The following ZRANB1 variants were observed in gnomAD, a reference collection of about 807,000 sequenced individuals.
ZRANB1 encodes the protein zinc finger RANBP2-type containing 1.
In ZRANB1, 16 loss-of-function variants were observed where a neutral mutation model predicts 80.5. The ratio of observed to expected loss-of-function variants is 0.20; its 90% CI spans 0.13 to 0.30. The LOEUF (loss-of-function observed/expected upper bound fraction) is 0.30, where lower values mean the gene tolerates loss of function less well. Ranked by LOEUF, ZRANB1 falls within the 10% of genes least tolerant of loss-of-function variation. The pLI, the probability that ZRANB1 is intolerant of heterozygous loss-of-function variation, is 1.00. For missense variants in ZRANB1, 576 were observed against 862.6 expected, an observed-to-expected ratio of 0.67 and a Z score of 4.16; for synonymous variants, 291 against 293.1, an observed-to-expected ratio of 0.99 and a Z score of 0.07.
At chr10:124,919,586 G>GT in the ZRANB1 span, among the ~76,000 whole-genome samples, 209 of 136,336 alleles carry the variant, frequency 1.5e-3, no homozygotes, top group Non-Finnish European at 1.4e-3. Context: ...TTTGGTTCAG[G>GT]TTTTTTTTTT....
rs185909935 is a variant in ZRANB1, at chr10:124,985,202, T to A, written c.*210T>A. ...AGAACTTTAGTTGGACTACAGTTTG[T>A]AAAAAAAACTAATTTTATTAAGACA... On this transcript the variant is annotated 3_prime_UTR_variant, in exon 9 of 9. Coordinates refer to ENST00000359653, the MANE Select transcript of ZRANB1 (RefSeq NM_017580.3). The A allele has an allele frequency of 9.4e-4, 435 of 464,232 alleles. 5 individuals carry two copies. The East Asian group carries it at 0.012, about 13-fold the overall frequency. 28.8% of individuals were successfully genotyped at this position (464,232 alleles called of 1,614,324 possible). A position where few individuals can be genotyped will look rare whatever the true frequency, so the allele number is the denominator to read the frequency against.
At chr10:124,936,989 G>A in the ZRANB1 span, among the ~76,000 whole-genome samples, 124 of 151,892 alleles carry the variant, frequency 8.2e-4, no homozygotes, top group African/African-American at 2.9e-3. Context: ...GAGTCTCGCC[G>A]GGCCGCCCGG....
In ZRANB1 at chr10:124,983,258, T is replaced by C; in HGVS notation, c.1632T>C (p.Tyr544=). ...RRPIIVYGVK[Y]YKSFRGETLG... The stretch of plus-strand genomic sequence containing the variant: ...CAATTATAGTTTATGGAGTAAAATA[T>C]TACAAGAGTTTCCGGGGAGAAACTT... The change falls in exon 7 of 9, where the codon TAT becomes TAC. Residue 544 remains tyrosine (Y), a synonymous_variant. Transcript: ENST00000359653. The surrounding 1 kb of genome is among the most constrained non-coding windows in gnomAD (Gnocchi z 6.2). 1 of 1,614,128 alleles carries C rather than the reference T, an allele frequency of 6.2e-7. No homozygotes were observed. Among genetic ancestry groups the C allele is most frequent in the Non-Finnish European group, 8.5e-7 (1 of 1,180,010 alleles).
chr10:124,942,192 A>T lies in ZRANB1; in HGVS notation c.-302A>T, dbSNP rs890231572. On this transcript the variant is annotated 5_prime_UTR_variant, in exon 1 of 9. Transcript: ENST00000359653. ...GTTAATCTCATCCTTCTTAGATCAA[A>T]CCTCGTTATATCTCCTGCCTATCTC... is the stretch of plus-strand genomic sequence containing the variant. 38 of 1,176,526 alleles carry T rather than the reference A, an allele frequency of 3.2e-5. No individual in the cohort carries two copies. Among genetic ancestry groups the T allele is most frequent in the African/African-American group, 4.7e-5 (3 of 63,308 alleles). 72.9% of individuals were successfully genotyped at this position (1,176,526 alleles called of 1,614,324 possible).
At chr10:124,948,765 G>T (rs1037470277) in intron 1 of ZRANB1, among the ~76,000 whole-genome samples, 1 of 152,060 alleles carries the variant, frequency 6.6e-6, no homozygotes, top group Non-Finnish European at 1.5e-5. Flanking sequence ...TAAGCTTCCT[G>T]AGGGCCAGTA....
At chr10:124,971,177 G>T (rs1223485142) in intron 2 of ZRANB1, among the ~76,000 whole-genome samples, 2 of 152,118 alleles carry the variant, frequency 1.3e-5, no homozygotes, top group Non-Finnish European at 2.9e-5. Context: ...AGAATTCTGT[G>T]TATGTATTTT....
chr10:124,934,747 C>T, the ZRANB1 span, among the ~76,000 whole-genome samples: 839 of 152,234 alleles, frequency 5.5e-3, 5 homozygotes, highest in African/African-American at 0.019. Flanking sequence ...AGAGATCCAA[C>T]TTGGAGATAC....
At chr10:124,949,418 T>TATATGTATATATATATGTTTACACAC (rs1298289298) in intron 1 of ZRANB1, among the ~76,000 whole-genome samples, 6,443 of 142,994 alleles carry the variant, frequency 0.045, 522 homozygotes, top group African/African-American at 0.16. Context: ...TATACACATA[T>TATATGTATATATATATGTTTACACAC]ATATGTATAT....
chr10:124,920,112 A>G, the ZRANB1 span, among the ~76,000 whole-genome samples: 1 of 151,170 alleles, frequency 6.6e-6, no homozygotes, highest in Non-Finnish European at 1.5e-5. Context: ...TAGTAGAGAC[A>G]GGGTTTCACC....
At chr10:124,964,626 CTT>C (rs1350357034) in intron 1 of ZRANB1, among the ~76,000 whole-genome samples, 3 of 152,180 alleles carry the variant, frequency 2.0e-5, no homozygotes, top group African/African-American at 4.8e-5. Flanking sequence ...AGATCTTCCT[CTT>C]TGCTTTTTCA....
intron 3 of ZRANB1, among the ~76,000 whole-genome samples, chr10:124,972,858 G>A (rs776496286): frequency 2.0e-5 from 3 of 151,344 alleles, no homozygotes; most frequent in Non-Finnish European, 4.4e-5. Context: ...AGCTTACTGC[G>A]CCTTCAACTT....
At position 124,942,438 on chromosome 10, in the gene ZRANB1, A is replaced by G. The variant is rs778024242; in HGVS notation, c.-56A>G. The G allele has an allele frequency of 1.1e-5, 18 of 1,605,382 alleles. No individual in the cohort carries two copies. Among genetic ancestry groups the G allele is most frequent in the Non-Finnish European group, 1.4e-5 (16 of 1,174,254 alleles). On this transcript the variant is annotated 5_prime_UTR_variant, in exon 1 of 9. It removes an upstream start codon present in the reference 5' UTR. Coordinates refer to ENST00000359653, the MANE Select transcript of ZRANB1 (RefSeq NM_017580.3). ...GTGGAATGTAGTTATTTTAATAACC[A>G]TGTCCTAATTATTTATAGCTTCCTG...
At chr10:124,949,509 A>T (rs1951616799) in intron 1 of ZRANB1, among the ~76,000 whole-genome samples, 1 of 107,166 alleles carries the variant, frequency 9.3e-6, no homozygotes, top group Non-Finnish European at 2.1e-5. Flanking sequence ...ACACACACAC[A>T]CACACACACA....
At chr10:124,936,674 G>C in the ZRANB1 span, among the ~76,000 whole-genome samples, 1 of 152,330 alleles carries the variant, frequency 6.6e-6, no homozygotes, top group East Asian at 1.9e-4. Flanking sequence ...TGAGAAAAGA[G>C]ATGAGTATGT....
chr10:124,949,324 T>C (rs751683234), intron 1 of ZRANB1, among the ~76,000 whole-genome samples: 15 of 152,024 alleles, frequency 9.9e-5, no homozygotes, highest in Non-Finnish European at 2.1e-4. Context: ...TTCTTAAGTT[T>C]AGGAGCTGAG....
chr10:124,980,736 A>C (rs1951924339), intron 5 of ZRANB1, among the ~76,000 whole-genome samples: 1 of 152,196 alleles, frequency 6.6e-6, no homozygotes, highest in Admixed American at 6.5e-5. Flanking sequence ...CCTTCATTAA[A>C]TTACTGTAAA....
At chr10:124,935,322 A>G in the ZRANB1 span, among the ~76,000 whole-genome samples, 14 of 152,238 alleles carry the variant, frequency 9.2e-5, no homozygotes, top group Non-Finnish European at 1.5e-4. Flanking sequence ...GGAAGACATA[A>G]CAAGTGTATC....
intron 1 of ZRANB1, among the ~76,000 whole-genome samples, chr10:124,949,482 T>C (rs1951615992): frequency 6.6e-6 from 1 of 150,792 alleles, no homozygotes; most frequent in African/African-American, 2.5e-5. Flanking sequence ...CATATATGTA[T>C]ATATATTCAC....
At chr10:124,953,574 G>A (rs1211888342) in intron 1 of ZRANB1, among the ~76,000 whole-genome samples, 1 of 152,190 alleles carries the variant, frequency 6.6e-6, no homozygotes, top group Non-Finnish European at 1.5e-5. Flanking sequence ...GCATTCCATG[G>A]TTAGGTTACA....
Sources: gnomAD v4.1 joint callset for allele counts (sites outside exome capture counted in the v4.1 genomes callset) on GRCh38, gnomAD v4.1.1 for gene constraint, Gnocchi (gnomAD v3.1) non-coding constraint, MANE v1.5 for transcripts, NCBI Gene and HGNC (gene_info 2026-07-23, HGNC 2026-07-21) for gene names.